The following EPS15L1 variants were observed in gnomAD, a reference collection of about 807,000 sequenced individuals.
EPS15L1 encodes the protein epidermal growth factor receptor pathway substrate 15 like 1, also known as epidermal growth factor receptor substrate 15-like 1.
Under a neutral mutation model 117.1 loss-of-function variants are expected in EPS15L1, and 43 were observed. The observed-to-expected ratio is 0.37, with a 90% CI of 0.29 to 0.47. The LOEUF (loss-of-function observed/expected upper bound fraction) is 0.47. Ranked by LOEUF, EPS15L1 falls within the 20% of genes least tolerant of loss-of-function variation. The pLI, the probability that EPS15L1 is intolerant of heterozygous loss-of-function variation, is 0.99. For missense variants in EPS15L1, 981 were observed against 1,164.0 expected, an observed-to-expected ratio of 0.84 and a Z score of 2.29; for synonymous variants, 459 against 470.5, an observed-to-expected ratio of 0.98 and a Z score of 0.32.
intron 22 of EPS15L1, among the ~76,000 whole-genome samples, chr19:16,373,952 A>C (rs1488428691): frequency 6.6e-6 from 1 of 152,252 alleles, no homozygotes; most frequent in Non-Finnish European, 1.5e-5. Flanking sequence ...TTTTCTGTTC[A>C]GCCATTGCTT....
intron 23 of EPS15L1, 89 bp downstream of exon 23, chr19:16,361,690 G>A: frequency 6.7e-7 from 1 of 1,483,548 alleles, no homozygotes. Flanking sequence ...AAGAAGCTGG[G>A]AGGTTTGCCT....
chr19:16,377,139 C>G lies in EPS15L1; in HGVS notation c.2363G>C (p.Arg788Pro). 2 of 1,607,266 alleles carry G rather than the reference C, an allele frequency of 1.2e-6. No homozygotes were observed. The highest frequency in any genetic ancestry group is 1.7e-6 in the Non-Finnish European group (2 of 1,177,398). ...TTACTGACCGCTGGGCGGTTTAGGC[C>G]GTGGAGGAGCAGGTTTCTTCGGAGG... ...ALPPKKPAPP[R>P]PKPPSGKSTP... Residue 788 changes from arginine (R) to proline (P), a missense_variant, in exon 22 of 24, where the codon CGG (arginine) becomes CCG (proline). Transcript: ENST00000455140.
rs2092778633 is a variant in EPS15L1, at chr19:16,418,157, GA to G, written c.951-54del. Reference sequence around the variant, plus strand: ...CACATCACAGGCGCCGACTCAGCCTGAACCCAAGTCACCGATCCCTTGCTTT... The same window carrying G: ...CACATCACAGGCGCCGACTCAGCCTGACCCAAGTCACCGATCCCTTGCTTT... On this transcript the variant is annotated intron_variant, in intron 10 of 23. Transcript: ENST00000455140. The G allele has an allele frequency of 2.1e-5, 33 of 1,553,160 alleles. No homozygotes were observed. The East Asian group carries it at 7.3e-4, about 34-fold the overall frequency.
At chr19:16,437,064 G>A in intron 5 of EPS15L1, 65 bp from the exon 6 acceptor site, 4 of 1,421,804 alleles carry the variant, frequency 2.8e-6, no homozygotes, top group Non-Finnish European at 4.0e-6. Context: ...GGGTGGGTTT[G>A]CTGAAAAGGA....
At chr19:16,453,510 G>A (rs887735250) in intron 1 of EPS15L1, among the ~76,000 whole-genome samples, 8 of 152,108 alleles carry the variant, frequency 5.3e-5, no homozygotes, top group African/African-American at 1.7e-4. Flanking sequence ...TCAGGAGATC[G>A]AGACCATCCT....
chr19:16,411,571 T>C (rs2092705913), intron 13 of EPS15L1, among the ~76,000 whole-genome samples: 2 of 152,182 alleles, frequency 1.3e-5, no homozygotes, highest in African/African-American at 4.8e-5. Context: ...ATACAGCACA[T>C]TTGACATTAA....
chr19:16,432,916 C>T (rs1366552648), intron 7 of EPS15L1, among the ~76,000 whole-genome samples: 1 of 151,628 alleles, frequency 6.6e-6, no homozygotes, highest in Non-Finnish European at 1.5e-5. Context: ...GTGATTCTCC[C>T]ACCTCAACCT....
intron 23 of EPS15L1, among the ~76,000 whole-genome samples, chr19:16,358,607 T>C (rs2092012868): frequency 1.3e-5 from 2 of 151,792 alleles, no homozygotes; most frequent in African/African-American, 4.8e-5. Context: ...CAGAAGCAAA[T>C]AAGTGGTTCA....
intron 4 of EPS15L1, 64 bp downstream of exon 4, chr19:16,440,798 G>C: frequency 6.8e-7 from 1 of 1,468,794 alleles, no homozygotes; most frequent in East Asian, 2.3e-5. Context: ...AGGAGCCGTG[G>C]AGGTCACCCA....
In EPS15L1 at chr19:16,393,932, G is replaced by A. The variant is rs777312591; in HGVS notation, c.1966+19C>T. 6.8e-5 allele frequency: 109 copies of A among 1,613,116 alleles called. No individual in the cohort carries two copies. Among genetic ancestry groups the A allele is most frequent in the African/African-American group, 1.3e-4 (10 of 74,900 alleles). On this transcript the variant is annotated intron_variant, in intron 18 of 23. Transcript: ENST00000455140. ...CTGGACACAGTCTAAAGACCGGTCC[G>A]GGAAACACTGAATTTTACCTGTTGA...
chr19:16,409,025 G>A (rs556197497), intron 13 of EPS15L1, among the ~76,000 whole-genome samples: 5 of 152,080 alleles, frequency 3.3e-5, no homozygotes, highest in Non-Finnish European at 7.4e-5. Context: ...TGTTTGAGAT[G>A]AGCCTGAGCA....
chr19:16,370,889 C>T lies in EPS15L1; in HGVS notation c.2380+6233G>A, dbSNP rs990992859. Among the ~76,000 whole-genome samples, 2 of 152,144 alleles carry T rather than the reference C, an allele frequency of 1.3e-5. No individual in the cohort carries two copies. Among genetic ancestry groups the T allele is most frequent in the Admixed American group, 1.3e-4 (2 of 15,286 alleles). ...GGGCGTGGGCAGGAAAGAGGGACTC[C>T]ACCTGGTTGGCCGTTTTAGGCTCCT... On this transcript the variant is annotated intron_variant, in intron 22 of 23. Coordinates refer to ENST00000455140, the MANE Select transcript of EPS15L1 (RefSeq NM_001258374.3). This position sits in a 1 kb window ranked among gnomAD's most constrained non-coding sequence, Gnocchi z 5.2.
chr19:16,426,660 A>G (rs775097500), intron 8 of EPS15L1, among the ~76,000 whole-genome samples: 2 of 152,158 alleles, frequency 1.3e-5, no homozygotes, highest in Non-Finnish European at 2.9e-5. Flanking sequence ...AACGACAACA[A>G]AAAAACAAAA....
intron 1 of EPS15L1, among the ~76,000 whole-genome samples, chr19:16,455,034 C>T (rs1454416763): frequency 6.6e-6 from 1 of 151,884 alleles, no homozygotes; most frequent in East Asian, 1.9e-4. Context: ...GAGGCTGAGG[C>T]AGGAGAATTG....
chr19:16,393,171 G>A (rs2092498933), intron 18 of EPS15L1, among the ~76,000 whole-genome samples: 1 of 151,532 alleles, frequency 6.6e-6, no homozygotes, highest in African/African-American at 2.4e-5. Flanking sequence ...GTTGGTGGGT[G>A]CCAGGGGTTG....
At chr19:16,456,930 G>GATGTCATCCCC (rs2093202988) in intron 1 of EPS15L1, among the ~76,000 whole-genome samples, 1 of 152,090 alleles carries the variant, frequency 6.6e-6, no homozygotes, top group African/African-American at 2.4e-5. Flanking sequence ...GAAAAGACAG[G>GATGTCATCCCC]ATGTCATCCC....
At chr19:16,467,139 GCTTTT>G (rs1237026593) in intron 1 of EPS15L1, among the ~76,000 whole-genome samples, 15 of 151,150 alleles carry the variant, frequency 9.9e-5, no homozygotes, top group East Asian at 1.9e-4. Flanking sequence ...GATGGTGCCT[GCTTTT>G]CTTTTCTTTT....
chr19:16,394,314 C>T (rs2092516428), intron 17 of EPS15L1, among the ~76,000 whole-genome samples: 1 of 149,552 alleles, frequency 6.7e-6, no homozygotes, highest in Non-Finnish European at 1.5e-5. Context: ...TCTTCCCATG[C>T]TGGGTTTCCT....
At chr19:16,386,061 G>A (rs1021073524) in intron 20 of EPS15L1, 110 bp downstream of exon 20, 8 of 833,398 alleles carry the variant, frequency 9.6e-6, no homozygotes, top group African/African-American at 1.7e-5. Flanking sequence ...ACTGACTGAT[G>A]ACACAAACAC....
Sources: allele counts gnomAD v4.1 joint callset (sites outside exome capture counted in the v4.1 genomes callset), GRCh38; gene constraint gnomAD v4.1.1; non-coding constraint Gnocchi (gnomAD v3.1); transcripts MANE v1.5; gene names NCBI Gene and HGNC (gene_info 2026-07-23, HGNC 2026-07-21).